The following TMEM87B variants were observed in gnomAD, a reference collection of about 807,000 sequenced individuals.
The protein encoded by TMEM87B is transmembrane protein 87B.
Under a neutral mutation model 80.3 loss-of-function variants are expected in TMEM87B, and 83 were observed. That is an observed-to-expected ratio of 1.03 (90% CI 0.87 to 1.24). The LOEUF is 1.24. Ranked by LOEUF, TMEM87B falls within the 50% of genes most tolerant of loss-of-function variation. The probability of loss-of-function intolerance (pLI) is 0.00; values close to 1 mark genes in which losing one functional copy is unlikely to be tolerated. For missense variants in TMEM87B, 625 were observed against 674.4 expected, an observed-to-expected ratio of 0.93 and a Z score of 0.81; for synonymous variants, 219 against 230.5, an observed-to-expected ratio of 0.95 and a Z score of 0.45.
intron 11 of TMEM87B, 114 bp downstream of exon 11, chr2:112,091,897 C>G (rs1374822943): frequency 2.6e-6 from 2 of 765,644 alleles, no homozygotes; most frequent in East Asian, 5.5e-5. Context: ...TACCTTAATA[C>G]GAGGGTTCAC....
At chr2:112,073,902 T>G (rs1411009248) in intron 4 of TMEM87B, among the ~76,000 whole-genome samples, 1 of 152,236 alleles carries the variant, frequency 6.6e-6, no homozygotes, top group African/African-American at 2.4e-5. Flanking sequence ...TTGTCTGAAA[T>G]TAGGCCTGCA....
chr2:112,057,107 C>T (rs1678098250), intron 1 of TMEM87B, among the ~76,000 whole-genome samples: 1 of 152,160 alleles, frequency 6.6e-6, no homozygotes, highest in Admixed American at 6.5e-5. Flanking sequence ...TGCTGCATGA[C>T]CTTTAGGCTA....
chr2:112,096,165 C>G (rs901011402), intron 11 of TMEM87B, among the ~76,000 whole-genome samples: 1 of 152,160 alleles, frequency 6.6e-6, no homozygotes, highest in Non-Finnish European at 1.5e-5. Context: ...CCTTGCATCA[C>G]GAATAATTAG....
chr2:112,095,214 C>CTTTTTTTTTTTTTTA (rs1679432266), intron 11 of TMEM87B: 1 of 158,376 alleles, frequency 6.3e-6, no homozygotes, highest in Admixed American at 3.9e-4. Flanking sequence ...TTTTTTTTTG[C>CTTTTTTTTTTTTTTA]TGTTTTGCTG....
rs1461452167 is a variant in TMEM87B at position 112,055,749 on chromosome 2, T to G, written c.158T>G (p.Val53Gly). The change falls in exon 1 of 19, where the codon GTC becomes GGC. Residue 53 changes from valine to glycine, a missense_variant. Val to Gly is a moderately radical substitution (Grantham distance 109). Transcript: ENST00000283206. ...GAGCTCGGGCTCTGGTTAGAGACAG[T>G]CAACGACGTAAGTGGAGTGTCGGGA... ...VPELGLWLET[V>G]NDKSGPLIFR... 1.3e-6 allele frequency: 2 copies of G among 1,488,184 alleles called. No homozygotes were observed. The highest frequency in any genetic ancestry group is 1.8e-6 in the Non-Finnish European group (2 of 1,123,522). The allele number at this position is 1,488,184 out of a possible 1,614,324, so 92.2% of individuals were successfully genotyped here.
intron 5 of TMEM87B, among the ~76,000 whole-genome samples, chr2:112,075,700 G>T (rs1678792981): frequency 6.6e-6 from 1 of 152,160 alleles, no homozygotes; most frequent in African/African-American, 2.4e-5. Flanking sequence ...GTTATGTGTA[G>T]GGACTGAAAA....
At chr2:112,066,010 C>G (rs1199043864) in intron 3 of TMEM87B, among the ~76,000 whole-genome samples, 4 of 152,198 alleles carry the variant, frequency 2.6e-5, no homozygotes, top group Non-Finnish European at 5.9e-5. Flanking sequence ...TGGTCAAGGA[C>G]ATATCTGCAA....
In TMEM87B at chr2:112,055,333, GCTC is replaced by G; in HGVS notation, c.-256_-254del. ...GTCTCGCCGCCAACTCCACATCCTG[GCTC>G]CTATCTCTGCCTTCCAGGCATCTCC... is the stretch of plus-strand genomic sequence containing the variant. On this transcript the variant is annotated 5_prime_UTR_variant, in exon 1 of 19. Transcript: ENST00000283206. 2.0e-6 allele frequency: 1 copy of G among 496,866 alleles called. No individual in the cohort carries two copies. The highest frequency in any genetic ancestry group is 3.5e-6 in the Non-Finnish European group (1 of 284,598). 30.8% of individuals were successfully genotyped at this position (496,866 alleles called of 1,614,324 possible). A position where few individuals can be genotyped will look rare whatever the true frequency, so the allele number is the denominator to read the frequency against.
intron 11 of TMEM87B, among the ~76,000 whole-genome samples, chr2:112,092,559 A>AGTATTCCTTTGCCTTTGCAGTG (rs1431092247): frequency 1.3e-5 from 2 of 152,252 alleles, no homozygotes; most frequent in East Asian, 3.8e-4. Flanking sequence ...AAGGTGAGTC[A>AGTATTCCTTTGCCTTTGCAGTG]GTATTCCTTT....
intron 4 of TMEM87B, among the ~76,000 whole-genome samples, chr2:112,067,577 C>T (rs140364874): frequency 8.5e-4 from 130 of 152,110 alleles, no homozygotes; most frequent in African/African-American, 2.7e-3. Context: ...CCAGCCTGGG[C>T]GACAGAGCGA....
At chr2:112,115,891 C>T (rs1048599374) in intron 18 of TMEM87B, among the ~76,000 whole-genome samples, 193 bp from the exon 19 acceptor site, 1 of 152,200 alleles carries the variant, frequency 6.6e-6, no homozygotes, top group African/African-American at 2.4e-5. Context: ...CCGCCTCGGC[C>T]TCCCAAAGTG....
intron 4 of TMEM87B, among the ~76,000 whole-genome samples, chr2:112,073,488 T>TTA (rs1317659898): frequency 6.6e-6 from 1 of 152,248 alleles, no homozygotes; most frequent in Non-Finnish European, 1.5e-5. Context: ...ATTTTGGTTC[T>TTA]TTTGCGTTTT....
At chr2:112,077,557 A>G (rs1678862466) in intron 6 of TMEM87B, among the ~76,000 whole-genome samples, 1 of 152,220 alleles carries the variant, frequency 6.6e-6, no homozygotes, top group South Asian at 2.1e-4. Flanking sequence ...TTTCAGATTA[A>G]AAAAATTTTT....
At position 112,060,005 on chromosome 2, in the gene TMEM87B, CTA is replaced by C. The variant is rs987483512; in HGVS notation, c.196_197del (p.Met66ValfsTer2). ...TCAGGACCTTTGATATTTAGGAAAA[CTA>C]TGTTTAACTCTACAGATATCAAGTT... is the stretch of plus-strand genomic sequence containing the variant. On this transcript the variant is annotated frameshift_variant, in exon 2 of 19. Transcript: ENST00000283206. LOFTEE classifies it high-confidence loss of function. 1.1e-5 allele frequency: 18 copies of C among 1,592,816 alleles called. No individual in the cohort carries two copies. Among genetic ancestry groups the C allele is most frequent in the Non-Finnish European group, 1.5e-5 (17 of 1,166,260 alleles).
intron 15 of TMEM87B, among the ~76,000 whole-genome samples, chr2:112,102,385 T>C (rs1679654067): frequency 6.6e-6 from 1 of 152,118 alleles, no homozygotes; most frequent in African/African-American, 2.4e-5. Context: ...CTCAGTATAA[T>C]TCATCATATT....
At position 112,059,976 on chromosome 2, in the gene TMEM87B, G is replaced by T; in HGVS notation, c.166-1G>T. ...CTTCCTGTGTTTGTTTTTCATTTTAGAAATCAGGACCTTTGATATTTAGGA... is the reference window on the plus strand; with the variant it reads ...CTTCCTGTGTTTGTTTTTCATTTTATAAATCAGGACCTTTGATATTTAGGA... On this transcript the variant is annotated splice_acceptor_variant, in intron 1 of 18. Transcript: ENST00000283206. LOFTEE classifies it high-confidence loss of function. 6.3e-7 allele frequency: 1 copy of T among 1,592,234 alleles called. No homozygotes were observed. The highest frequency in any genetic ancestry group is 8.6e-7 in the Non-Finnish European group (1 of 1,166,744).
chr2:112,089,533 TG>T, intron 9 of TMEM87B, 91 bp from the exon 10 acceptor site: 1 of 1,134,794 alleles, frequency 8.8e-7, no homozygotes, highest in Non-Finnish European at 1.3e-6. Context: ...AGTGACTTCC[TG>T]GTATTGGAAA....
intron 4 of TMEM87B, among the ~76,000 whole-genome samples, chr2:112,067,836 T>TA (rs1285397815): frequency 6.6e-6 from 1 of 152,238 alleles, no homozygotes; most frequent in Admixed American, 6.5e-5. Context: ...AGTCTTGACT[T>TA]ACCAGCATTT....
In TMEM87B at chr2:112,117,246, C is replaced by G. The variant is rs576587989; in HGVS notation, c.*1103C>G. 6.6e-6 allele frequency: 1 copy of G among 152,254 alleles called. No homozygotes were observed. The highest frequency in any genetic ancestry group is 2.4e-5 in the African/African-American group (1 of 41,558). The allele number at this position is 152,254 out of a possible 1,614,324, so 9.4% of individuals were successfully genotyped here. On this transcript the variant is annotated 3_prime_UTR_variant, in exon 19 of 19. Coordinates refer to ENST00000283206, the MANE Select transcript of TMEM87B (RefSeq NM_032824.3). Reference sequence around the variant, plus strand: ...GAAAATGTGAATGTTTTGCTGCTTTCATGACCAAAGATACAGGGCTAGTGG... The same window carrying G: ...GAAAATGTGAATGTTTTGCTGCTTTGATGACCAAAGATACAGGGCTAGTGG...
Sources: allele counts gnomAD v4.1 joint callset (sites outside exome capture counted in the v4.1 genomes callset), GRCh38; gene constraint gnomAD v4.1.1; transcripts MANE v1.5; gene names NCBI Gene and HGNC (gene_info 2026-07-23, HGNC 2026-07-21).